MYBL2: variants seen among roughly 807,000 people sequenced by gnomAD.
MYBL2 encodes MYB proto-oncogene like 2, also known as myb-related protein B.
MYBL2 carries 28 observed loss-of-function variants against 79.9 expected under a neutral mutation model. That is an observed-to-expected ratio of 0.35 (90% CI 0.26 to 0.48). The LOEUF (loss-of-function observed/expected upper bound fraction) is 0.48. Among genes scored for constraint, MYBL2 ranks in the 20% least tolerant of loss-of-function variants. The pLI, the probability that MYBL2 is intolerant of heterozygous loss-of-function variation, is 0.99. For missense variants in MYBL2, 735 were observed against 893.9 expected, an observed-to-expected ratio of 0.82 and a Z score of 2.27; for synonymous variants, 378 against 361.2, an observed-to-expected ratio of 1.05 and a Z score of -0.53.
chr20:43,693,234 G>T (rs1442192748), intron 6 of MYBL2, among the ~76,000 whole-genome samples: 1 of 152,146 alleles, frequency 6.6e-6, no homozygotes, highest in Non-Finnish European at 1.5e-5. Context: ...GTTTCACCAC[G>T]TTGGCCAGGC....
At chr20:43,681,725 C>A in intron 2 of MYBL2, 59 bp from the exon 3 acceptor site, 1 of 1,564,600 alleles carries the variant, frequency 6.4e-7, no homozygotes, top group Non-Finnish European at 8.8e-7. Flanking sequence ...CTGTCACGGG[C>A]AGCCCTGAGG....
chr20:43,681,202 T>C (rs770122103), intron 2 of MYBL2, among the ~76,000 whole-genome samples: 4 of 152,210 alleles, frequency 2.6e-5, no homozygotes, highest in Non-Finnish European at 5.9e-5. Context: ...CTTCTAGTGC[T>C]GAATCACTGT....
Position 43,716,204 on chromosome 20 carries a change from C to A in MYBL2, c.*117C>A. The stretch of plus-strand genomic sequence containing the variant: ...CCTGCAGGGAGCCTTCTGCCACCAG[C>A]CCCTCCCCAGACTCTCAGGTGGAGG... On this transcript the variant is annotated 3_prime_UTR_variant, in exon 14 of 14. Transcript: ENST00000217026. 1 of 1,510,948 alleles carries A rather than the reference C, an allele frequency of 6.6e-7. No homozygotes were observed. Among genetic ancestry groups the A allele is most frequent in the Non-Finnish European group, 8.9e-7 (1 of 1,119,340 alleles). The allele number at this position is 1,510,948 out of a possible 1,614,324, so 93.6% of individuals were successfully genotyped here.
intron 8 of MYBL2, 134 bp downstream of exon 8, chr20:43,703,037 C>A: frequency 1.0e-6 from 1 of 961,598 alleles, no homozygotes; most frequent in Non-Finnish European, 1.5e-6. Context: ...GACCAGGTAA[C>A]TAAAAAAGAC....
At chr20:43,667,354 C>T in intron 1 of MYBL2, 51 bp downstream of exon 1, 1 of 1,179,492 alleles carries the variant, frequency 8.5e-7, no homozygotes, top group Non-Finnish European at 1.1e-6. Flanking sequence ...TTAACTCACC[C>T]CTCCCCCACC....
At chr20:43,690,121 AGGG>A (rs1338909302) in intron 5 of MYBL2, among the ~76,000 whole-genome samples, 16 of 151,480 alleles carry the variant, frequency 1.1e-4, no homozygotes, top group African/African-American at 3.9e-4. Context: ...ACATATGAGG[AGGG>A]CGCATGTGTA....
chr20:43,670,956 ATTTCTTTTTTTTCTTT>A (rs1359248522), intron 1 of MYBL2, among the ~76,000 whole-genome samples: 3 of 36,924 alleles, frequency 8.1e-5, no homozygotes, highest in Non-Finnish European at 1.7e-4. Context: ...GGATCCTATG[ATTTCTTTTTTTTCTTT>A]TTTTTTTTTT....
chr20:43,692,335 A>G lies in MYBL2; in HGVS notation c.663+16A>G, dbSNP rs1337109195. The G allele has an allele frequency of 3.1e-6, 5 of 1,613,432 alleles. No individual in the cohort carries two copies. Among genetic ancestry groups the G allele is most frequent in the Non-Finnish European group, 4.2e-6 (5 of 1,179,616 alleles). On this transcript the variant is annotated intron_variant, in intron 6 of 13. Transcript: ENST00000217026. ...GGAAGGCCAGGTGAGACAGCTGCTCAGCCTTTGGCTTGGTTTGATTTCACA... is the reference window on the plus strand; with the variant it reads ...GGAAGGCCAGGTGAGACAGCTGCTCGGCCTTTGGCTTGGTTTGATTTCACA...
chr20:43,714,528 C>T (rs1483920286), intron 12 of MYBL2, among the ~76,000 whole-genome samples: 1 of 152,210 alleles, frequency 6.6e-6, no homozygotes, highest in African/African-American at 2.4e-5. Flanking sequence ...CCTCCAGACA[C>T]ACCACTGAAT....
At chr20:43,685,092 A>C (rs1444218405) in intron 4 of MYBL2, among the ~76,000 whole-genome samples, 3 of 149,570 alleles carry the variant, frequency 2.0e-5, no homozygotes, top group Non-Finnish European at 3.0e-5. Context: ...GGTTGCAGTG[A>C]GCCGAGATGG....
chr20:43,667,257 G>A lies in MYBL2; in HGVS notation c.-27G>A, dbSNP rs1986737065. 9 of 1,219,112 alleles carry A rather than the reference G, an allele frequency of 7.4e-6. No homozygotes were observed. In the South Asian group the frequency reaches 3.7e-4, roughly 50 times the overall value. 75.5% of individuals were successfully genotyped at this position (1,219,112 alleles called of 1,614,324 possible). A position where few individuals can be genotyped will look rare whatever the true frequency, so the allele number is the denominator to read the frequency against. On this transcript the variant is annotated 5_prime_UTR_variant, in exon 1 of 14. Coordinates refer to ENST00000217026, the MANE Select transcript of MYBL2 (RefSeq NM_002466.4). The stretch of plus-strand genomic sequence containing the variant: ...CTCCGGGCTCTGCCGGCGGGCGGGC[G>A]AGCGCGGCGCGGTCCGGGCCGGGGG...
rs777676397 is a variant in MYBL2 at position 43,699,736 on chromosome 20, G to T, written c.664-21G>T. ...TCTATATCTCAGCGAAATGCAAATG[G>T]TGTATTCTTGTGTCTTACAGGGAAG... is the stretch of plus-strand genomic sequence containing the variant. On this transcript the variant is annotated intron_variant, in intron 6 of 13. Coordinates refer to ENST00000217026, the MANE Select transcript of MYBL2 (RefSeq NM_002466.4). 4.3e-6 allele frequency: 7 copies of T among 1,612,902 alleles called. No individual in the cohort carries two copies. In the South Asian group the frequency reaches 7.7e-5, roughly 18 times the overall value.
At chr20:43,688,905 T>C (rs931549358) in intron 5 of MYBL2, among the ~76,000 whole-genome samples, 7 of 152,170 alleles carry the variant, frequency 4.6e-5, no homozygotes, top group Non-Finnish European at 1.0e-4. Flanking sequence ...TTCTCCTGCC[T>C]CAGCCTCCTG....
At chr20:43,692,982 A>G (rs531895828) in intron 6 of MYBL2, among the ~76,000 whole-genome samples, 2 of 152,140 alleles carry the variant, frequency 1.3e-5, no homozygotes, top group African/African-American at 2.4e-5. Context: ...TTCTGTCTCT[A>G]TAATTTTGAC....
intron 6 of MYBL2, among the ~76,000 whole-genome samples, chr20:43,697,429 G>T (rs571265574): frequency 6.6e-6 from 1 of 152,004 alleles, no homozygotes; most frequent in African/African-American, 2.4e-5. Flanking sequence ...GGCCAATACG[G>T]TGAAACCCCA....
At chr20:43,672,483 G>A (rs548499008) in intron 1 of MYBL2, among the ~76,000 whole-genome samples, 13 of 151,886 alleles carry the variant, frequency 8.6e-5, no homozygotes, top group Non-Finnish European at 1.3e-4. Context: ...CAGTGGCTCA[G>A]GCCCGTAATA....
At chr20:43,691,441 A>G (rs993264859) in intron 5 of MYBL2, among the ~76,000 whole-genome samples, 18 of 151,294 alleles carry the variant, frequency 1.2e-4, no homozygotes, top group Non-Finnish European at 2.7e-4. Context: ...CATGCCTCAG[A>G]CTCCCAAGTA....
chr20:43,681,828 C>T lies in MYBL2; in HGVS notation c.159C>T (p.Asp53=). 6.2e-7 allele frequency: 1 copy of T among 1,613,982 alleles called. No homozygotes were observed. The highest frequency in any genetic ancestry group is 1.7e-5 in the Admixed American group (1 of 60,018). ...TGGTGAGGCAGTTTGGACAGCAGGA[C>T]TGGAAGTTCCTGGCCAGCCACTTCC... ...RALVRQFGQQ[D]WKFLASHFPN... Residue 53 remains aspartate, a synonymous_variant, in exon 3 of 14, where the codon GAC becomes GAT. Transcript: ENST00000217026.
chr20:43,713,156 G>C, intron 12 of MYBL2, 50 bp downstream of exon 12: 1 of 1,519,526 alleles, frequency 6.6e-7, no homozygotes, highest in Non-Finnish European at 9.0e-7. Flanking sequence ...GGACCCTCAA[G>C]GTGGAGTTAG....
Sources: allele counts gnomAD v4.1 joint callset (sites outside exome capture counted in the v4.1 genomes callset), GRCh38; gene constraint gnomAD v4.1.1; transcripts MANE v1.5; gene names NCBI Gene and HGNC (gene_info 2026-07-23, HGNC 2026-07-21).